FAM240C: variants seen among roughly 807,000 people sequenced by gnomAD.
FAM240C encodes family with sequence similarity 240 member C.
Under a neutral mutation model 10.0 loss-of-function variants are expected in FAM240C, and 14 were observed. The observed-to-expected ratio is 1.40, with a 90% CI of 0.92 to 2.19. FAM240C has a LOEUF of 2.19. Among genes scored for constraint, FAM240C ranks in the 30% most tolerant of loss-of-function variants. FAM240C has a pLI of 0.00. For missense variants in FAM240C, 154 were observed against 122.3 expected (o/e 1.26, Z -1.22); for synonymous variants, 49 against 44.3 (o/e 1.11, Z -0.42).
Position 241,900,461 on chromosome 2 carries a change from T to C in FAM240C, c.-92A>G, listed in dbSNP as rs1701957443. On this transcript the variant is annotated 5_prime_UTR_variant, in exon 1 of 3. Transcript: ENST00000404031. The surrounding 1 kb of genome is among the most constrained non-coding windows in gnomAD (Gnocchi z 4.5). ...CGCCTGTATCTCGCCTGCCGCTCTC[T>C]GTTACATGGGCTCAGTGACACGCAT... 1.4e-6 allele frequency: 1 copy of C among 703,750 alleles called. No homozygotes were observed. The highest frequency in any genetic ancestry group is 2.7e-6 in the Non-Finnish European group (1 of 376,306). The allele number at this position is 703,750 out of a possible 1,614,324, so 43.6% of individuals were successfully genotyped here.
At position 241,897,806 on chromosome 2, in the gene FAM240C, C is replaced by T. The variant is rs533516518; in HGVS notation, c.13-472G>A. The stretch of plus-strand genomic sequence containing the variant: ...CTGCAATGCAGTGGTGCGATCTCCC[C>T]TCACTGCAGCCTTGACCGCCTGAAC... On this transcript the variant is annotated intron_variant, in intron 1 of 2. Coordinates refer to ENST00000404031, the MANE Select transcript of FAM240C (RefSeq NM_001382368.1). Among the ~76,000 whole-genome samples the T allele has an allele frequency of 7.9e-5, 12 of 152,324 alleles. No homozygotes were observed. In the South Asian group the frequency reaches 2.1e-3, roughly 26 times the overall value.
At chr2:241,901,600 G>GGCCTCAGGACGCGCCGGGACAT (rs1474506442), upstream of FAM240C, among the ~76,000 whole-genome samples, 3 of 152,186 alleles carry the variant, frequency 2.0e-5, no homozygotes, top group African/African-American at 7.2e-5. The surrounding 1 kb of genome is among the most constrained non-coding windows in gnomAD (Gnocchi z 4.9). Flanking sequence ...ACTGGGGTTA[G>GGCCTCAGGACGCGCCGGGACAT]GCCTCAGGAC....
intron 2 of FAM240C, among the ~76,000 whole-genome samples, chr2:241,895,330 C>T (rs1701766951): frequency 6.6e-6 from 1 of 152,248 alleles, no homozygotes; most frequent in African/African-American, 2.4e-5. Flanking sequence ...GCCTGGAGTC[C>T]TCGGCCCTCA....
At chr2:241,900,867 T>G (rs534755447), upstream of FAM240C, among the ~76,000 whole-genome samples, 4 of 152,108 alleles carry the variant, frequency 2.6e-5, no homozygotes, top group Non-Finnish European at 5.9e-5. This position sits in a 1 kb window ranked among gnomAD's most constrained non-coding sequence, Gnocchi z 4.5. Context: ...GCCCCACCCA[T>G]ACATGGGTTT....
At chr2:241,902,087 G>T (rs546241618), upstream of FAM240C, among the ~76,000 whole-genome samples, 13 of 152,368 alleles carry the variant, frequency 8.5e-5, no homozygotes, top group African/African-American at 2.9e-4. This position sits in a 1 kb window ranked among gnomAD's most constrained non-coding sequence, Gnocchi z 7.1. Context: ...CAGTCAGCCA[G>T]AGCGGAGGAG....
upstream of FAM240C, among the ~76,000 whole-genome samples, chr2:241,900,797 A>G (rs1239919749): frequency 2.0e-5 from 3 of 152,114 alleles, no homozygotes; most frequent in East Asian, 1.9e-4. The surrounding 1 kb of genome is among the most constrained non-coding windows in gnomAD (Gnocchi z 4.5). Context: ...CGAAATGTAT[A>G]TCACAAAACG....
chr2:241,896,499 TGAAGGGG>T (rs1701808985), intron 2 of FAM240C, among the ~76,000 whole-genome samples: 17 of 39,244 alleles, frequency 4.3e-4, no homozygotes, highest in South Asian at 2.0e-3. Flanking sequence ...GGGGTGTGGG[TGAAGGGG>T]GTGTGGGTGT....
At chr2:241,896,713 T>G (rs1177457137) in intron 2 of FAM240C, among the ~76,000 whole-genome samples, 1 of 1,196 alleles carries the variant, frequency 8.4e-4, no homozygotes, top group Non-Finnish European at 2.3e-3. Flanking sequence ...GTGTGGGTGT[T>G]GGGGGTGTGT....
At chr2:241,897,134 C>T (rs1167241029) in intron 2 of FAM240C, 52 bp downstream of exon 2, 20 of 1,532,622 alleles carry the variant, frequency 1.3e-5, no homozygotes, top group African/African-American at 2.8e-5. Flanking sequence ...CCCTGGGTGG[C>T]GAGCGTGGCT....
rs764537747 is a variant in FAM240C, at chr2:241,900,030, G to A, written c.12+328C>T. 2.0e-5 allele frequency among the ~76,000 whole-genome samples: 3 copies of A among 152,158 alleles called. No individual in the cohort carries two copies. Among genetic ancestry groups the A allele is most frequent in the Non-Finnish European group, 4.4e-5 (3 of 68,032 alleles). ...TGCAGTGAGCCGCGATCATGCCACT[G>A]CACTCCAGCCTGGGCGACAGAGCGA... On this transcript the variant is annotated intron_variant, in intron 1 of 2. Transcript: ENST00000404031. This position sits in a 1 kb window ranked among gnomAD's most constrained non-coding sequence, Gnocchi z 4.5.
chr2:241,898,885 C>T (rs547644571), intron 1 of FAM240C, among the ~76,000 whole-genome samples: 12 of 152,368 alleles, frequency 7.9e-5, no homozygotes, highest in African/African-American at 2.9e-4. Context: ...CGCTGTCCGG[C>T]CAGCTCCTCG....
chr2:241,895,341 C>T (rs952530165), intron 2 of FAM240C, among the ~76,000 whole-genome samples: 11 of 152,386 alleles, frequency 7.2e-5, no homozygotes, highest in African/African-American at 2.6e-4. Flanking sequence ...TCGGCCCTCA[C>T]AGCCGGCCGC....
chr2:241,899,511 C>T (rs545341098), intron 1 of FAM240C, among the ~76,000 whole-genome samples: 4 of 152,342 alleles, frequency 2.6e-5, no homozygotes, highest in East Asian at 1.9e-4. Flanking sequence ...GCTGCTTCCC[C>T]GGAACTTCGC....
intron 2 of FAM240C, 118 bp from the exon 3 acceptor site, chr2:241,894,457 C>T (rs1008007929): frequency 8.4e-7 from 1 of 1,192,540 alleles, no homozygotes; most frequent in Admixed American, 2.4e-5. Flanking sequence ...CACTCCCTGC[C>T]AGGGGTGGGG....
At chr2:241,898,682 C>T (rs1399312081) in intron 1 of FAM240C, among the ~76,000 whole-genome samples, 1 of 152,254 alleles carries the variant, frequency 6.6e-6, no homozygotes, top group Non-Finnish European at 1.5e-5. Flanking sequence ...TCAGCTCTCC[C>T]TGGGACGCGT....
chr2:241,899,070 C>A (rs927180073), intron 1 of FAM240C: 1 of 1,251,454 alleles, frequency 8.0e-7, no homozygotes, highest in Middle Eastern at 2.2e-4. Flanking sequence ...GAGAGGAAAA[C>A]CAGGCAGCTG....
chr2:241,901,755 A>C (rs571176513), upstream of FAM240C, among the ~76,000 whole-genome samples: 2 of 152,294 alleles, frequency 1.3e-5, no homozygotes, highest in South Asian at 4.1e-4. This position sits in a 1 kb window ranked among gnomAD's most constrained non-coding sequence, Gnocchi z 4.9. Context: ...CCACCTAAAA[A>C]CGGAAAGGAA....
chr2:241,900,526 C>T, upstream of FAM240C: 1 of 631,824 alleles, frequency 1.6e-6, no homozygotes, highest in Non-Finnish European at 2.9e-6. The surrounding 1 kb of genome is among the most constrained non-coding windows in gnomAD (Gnocchi z 4.5). Flanking sequence ...GCGCTGCCCT[C>T]TGTCTGGGCA....
intron 2 of FAM240C, among the ~76,000 whole-genome samples, chr2:241,896,615 G>T (rs536951978): frequency 0.02 from 215 of 10,522 alleles, 9 homozygotes; most frequent in African/African-American, 0.049. Flanking sequence ...GTGTGGGTGT[G>T]GGGGTGTGGG....
Sources: allele counts gnomAD v4.1 joint callset (sites outside exome capture counted in the v4.1 genomes callset), GRCh38; gene constraint gnomAD v4.1.1; non-coding constraint Gnocchi (gnomAD v3.1); transcripts MANE v1.5; gene names NCBI Gene and HGNC (gene_info 2026-07-23, HGNC 2026-07-21).